The following DIAPH2 variants were observed in gnomAD, a reference collection of about 807,000 sequenced individuals.
DIAPH2 encodes protein diaphanous homolog 2.
A neutral mutation model predicts 92.7 loss-of-function variants in DIAPH2; 35 were observed. The ratio of observed to expected loss-of-function variants is 0.38; its 90% CI spans 0.29 to 0.50. The LOEUF (loss-of-function observed/expected upper bound fraction) is 0.50, where lower values mean the gene tolerates loss of function less well. DIAPH2 is among the 20% of genes least tolerant of loss of function. The pLI is 0.94. For synonymous variants in DIAPH2, 301 were observed against 280.4 expected, an observed-to-expected ratio of 1.07 and a Z score of -0.73; for missense variants, 701 against 819.5, an observed-to-expected ratio of 0.86 and a Z score of 1.77.
At chrX:97,537,946 G>A (rs1475592478) in intron 26 of DIAPH2, among the ~76,000 whole-genome samples, 2 of 102,647 alleles carry the variant, frequency 1.9e-5, no homozygotes, top group African/African-American at 7.3e-5. Context: ...GTGCAGTGGT[G>A]CGATCTCGGC....
At chrX:97,577,565 T>G (rs1450415422) in intron 26 of DIAPH2, among the ~76,000 whole-genome samples, 1 of 111,086 alleles carries the variant, frequency 9.0e-6, no homozygotes, top group Admixed American at 9.6e-5. Flanking sequence ...GGGATTTGAG[T>G]TGGGCTTTGA....
chrX:97,267,050 A>G (rs1443799470), intron 23 of DIAPH2, among the ~76,000 whole-genome samples: 1 of 112,122 alleles, frequency 8.9e-6, no homozygotes, highest in African/African-American at 3.2e-5. Context: ...TAAGCTCTCT[A>G]ATATCTTCTA....
At chrX:96,991,543 T>TTG (rs1296884482) in intron 17 of DIAPH2, among the ~76,000 whole-genome samples, 5 of 106,332 alleles carry the variant, frequency 4.7e-5, no homozygotes, top group African/African-American at 1.7e-4. Flanking sequence ...TATGGTGTTT[T>TTG]TTTTTTTTTT....
chrX:96,880,759 G>A (rs774047133), intron 4 of DIAPH2, among the ~76,000 whole-genome samples: 74 of 111,386 alleles, frequency 6.6e-4, no homozygotes, highest in African/African-American at 2.3e-3. Context: ...GATTAGGTAC[G>A]TCTAGAATGT....
chrX:97,034,601 G>A (rs374722843), intron 17 of DIAPH2, among the ~76,000 whole-genome samples: 6 of 110,256 alleles, frequency 5.4e-5, no homozygotes, highest in Admixed American at 3.9e-4. Flanking sequence ...ATCATGTAAC[G>A]ATTTAAAAAT....
intron 26 of DIAPH2, among the ~76,000 whole-genome samples, chrX:97,432,646 C>G (rs760388367): frequency 1.3e-4 from 14 of 111,487 alleles, no homozygotes; most frequent in African/African-American, 4.6e-4. Flanking sequence ...GCCACCACGT[C>G]CAGCTAGTTT....
At chrX:96,877,068 A>G (rs903075811) in intron 4 of DIAPH2, among the ~76,000 whole-genome samples, 1 of 111,633 alleles carries the variant, frequency 9.0e-6, no homozygotes, top group Non-Finnish European at 1.9e-5. Flanking sequence ...GAGAGAAGCC[A>G]TCTAAAGGTT....
chrX:97,538,010 C>G (rs916319642), intron 26 of DIAPH2, among the ~76,000 whole-genome samples: 10 of 108,517 alleles, frequency 9.2e-5, no homozygotes, highest in African/African-American at 3.0e-4. Context: ...TCAGCCTCCC[C>G]AGTAGCTGGG....
intron 26 of DIAPH2, among the ~76,000 whole-genome samples, chrX:97,596,819 C>T (rs961558206): frequency 1.8e-5 from 2 of 111,890 alleles, no homozygotes; most frequent in Non-Finnish European, 3.8e-5. Flanking sequence ...GATTTTCAAT[C>T]TCTGCTTAAA....
chrX:96,809,680 A>G (rs1370836485), intron 4 of DIAPH2, among the ~76,000 whole-genome samples: 2 of 110,593 alleles, frequency 1.8e-5, no homozygotes, highest in Non-Finnish European at 3.8e-5. Context: ...TCCCCACCCC[A>G]TGACAGGCCC....
chrX:97,593,488 AAAC>A (rs951353559), intron 26 of DIAPH2, among the ~76,000 whole-genome samples: 2 of 111,251 alleles, frequency 1.8e-5, no homozygotes, highest in Non-Finnish European at 3.8e-5. Context: ...TAAAAAAAAA[AAAC>A]AAGTTAAACC....
intron 25 of DIAPH2, among the ~76,000 whole-genome samples, chrX:97,408,241 G>A (rs1476123239): frequency 9.0e-6 from 1 of 111,268 alleles, no homozygotes; most frequent in Non-Finnish European, 1.9e-5. Flanking sequence ...TTTGAAATTG[G>A]GAAAGCTATA....
At chrX:96,923,211 A>G (rs1336622656) in intron 9 of DIAPH2, among the ~76,000 whole-genome samples, 1 of 112,281 alleles carries the variant, frequency 8.9e-6, no homozygotes, top group Non-Finnish European at 1.9e-5. Context: ...TGTTTTTACA[A>G]TATTTCAATA....
At chrX:96,850,072 A>G (rs112010993) in intron 4 of DIAPH2, among the ~76,000 whole-genome samples, 1,193 of 111,133 alleles carry the variant, frequency 0.011, 15 homozygotes, top group African/African-American at 0.036. Flanking sequence ...AGACCATGTG[A>G]TATTTCCACC....
intron 4 of DIAPH2, among the ~76,000 whole-genome samples, chrX:96,836,100 A>T (rs1359414823): frequency 1.9e-5 from 2 of 104,308 alleles, no homozygotes; most frequent in African/African-American, 3.5e-5. Flanking sequence ...CAAGCATGGA[A>T]TTTTTTTTTT....
At chrX:97,402,427 C>G (rs1322624653) in intron 25 of DIAPH2, among the ~76,000 whole-genome samples, 1 of 111,406 alleles carries the variant, frequency 9.0e-6, no homozygotes, top group Non-Finnish European at 1.9e-5. Context: ...TATTAGTATA[C>G]TTATTCAATA....
intron 9 of DIAPH2, among the ~76,000 whole-genome samples, chrX:96,920,434 A>T (rs752857506): frequency 1.8e-5 from 2 of 111,949 alleles, no homozygotes; most frequent in African/African-American, 6.5e-5. Context: ...TTTTCATTAC[A>T]TTGATATATT....
chrX:97,341,558 C>G (rs1460711920), intron 23 of DIAPH2, among the ~76,000 whole-genome samples: 1 of 109,713 alleles, frequency 9.1e-6, no homozygotes, highest in Non-Finnish European at 1.9e-5. Flanking sequence ...GCTGAGACAT[C>G]TTGTCATCTA....
chrX:97,546,390 T>C (rs1030921847), intron 26 of DIAPH2, among the ~76,000 whole-genome samples: 1 of 111,998 alleles, frequency 8.9e-6, no homozygotes, highest in Non-Finnish European at 1.9e-5. Flanking sequence ...GAGAGACTGA[T>C]AAACAGGCAT....
Sources: gnomAD v4.1 joint callset for allele counts (sites outside exome capture counted in the v4.1 genomes callset) on GRCh38, gnomAD v4.1.1 for gene constraint, MANE v1.5 for transcripts, NCBI Gene and HGNC (gene_info 2026-07-23, HGNC 2026-07-21) for gene names.